The following JAZF1 variants were observed in gnomAD, a reference collection of about 807,000 sequenced individuals.
The protein encoded by JAZF1 is JAZF zinc finger 1, also known as juxtaposed with another zinc finger protein 1.
A neutral mutation model predicts 26.4 loss-of-function variants in JAZF1; 8 were observed. The ratio of observed to expected loss-of-function variants is 0.30; its 90% CI spans 0.18 to 0.55. The LOEUF is 0.55. Ranked by LOEUF, JAZF1 falls within the 20% of genes least tolerant of loss-of-function variation. JAZF1 has a pLI of 0.94. For missense variants in JAZF1, 199 were observed against 322.0 expected, an observed-to-expected ratio of 0.62 and a Z score of 2.92; for synonymous variants, 126 against 122.3, an observed-to-expected ratio of 1.03 and a Z score of -0.20.
intron 2 of JAZF1, among the ~76,000 whole-genome samples, chr7:27,975,179 C>T (rs957598218): frequency 2.0e-5 from 3 of 152,064 alleles, no homozygotes; most frequent in African/African-American, 7.2e-5. Flanking sequence ...GTCACCGCGT[C>T]GGGCCAGGGA....
chr7:28,032,578 G>A (rs193172142), intron 1 of JAZF1, among the ~76,000 whole-genome samples: 2 of 152,092 alleles, frequency 1.3e-5, no homozygotes, highest in African/African-American at 4.8e-5. Flanking sequence ...TGCTAGATCA[G>A]ATAGCCTCTT....
intron 3 of JAZF1, among the ~76,000 whole-genome samples, chr7:27,861,848 T>C (rs1335988323): frequency 6.6e-6 from 1 of 152,210 alleles, no homozygotes; most frequent in African/African-American, 2.4e-5. Context: ...CACAGGTCCT[T>C]TCCCCTTGGG....
intron 2 of JAZF1, among the ~76,000 whole-genome samples, chr7:27,954,371 A>C (rs75103951): frequency 6.6e-6 from 1 of 152,132 alleles, no homozygotes; most frequent in South Asian, 2.1e-4. Context: ...GCAGAGGAAC[A>C]TTCTCTGTGG....
intron 2 of JAZF1, among the ~76,000 whole-genome samples, chr7:27,979,622 T>G (rs1211791809): frequency 1.3e-5 from 2 of 152,072 alleles, no homozygotes; most frequent in Non-Finnish European, 2.9e-5. Flanking sequence ...CTATCTGAAC[T>G]ACTCTGACAA....
Position 27,960,376 on chromosome 7 carries a change from C to T in JAZF1, c.188+31533G>A, listed in dbSNP as rs151113732. Among the ~76,000 whole-genome samples, 15 of 152,328 alleles carry T rather than the reference C, an allele frequency of 9.8e-5. No homozygotes were observed. In the East Asian group the frequency reaches 2.9e-3, roughly 29 times the overall value. On this transcript the variant is annotated intron_variant, in intron 2 of 4. Transcript: ENST00000283928. Reference sequence around the variant, plus strand: ...AAGGGCACTACGTTTATCTTGTGTGCACAATTTCTTTAGGTTACACTCACT... The same window carrying T: ...AAGGGCACTACGTTTATCTTGTGTGTACAATTTCTTTAGGTTACACTCACT...
intron 2 of JAZF1, among the ~76,000 whole-genome samples, chr7:27,932,054 G>A (rs1583468735): frequency 6.6e-6 from 1 of 152,306 alleles, no homozygotes; most frequent in East Asian, 1.9e-4. Context: ...AATAGCGTGG[G>A]CTATTTTAAT....
At chr7:27,856,043 G>A (rs1783242886) in intron 3 of JAZF1, among the ~76,000 whole-genome samples, 1 of 152,248 alleles carries the variant, frequency 6.6e-6, no homozygotes, top group Admixed American at 6.5e-5. Flanking sequence ...TCCCTGGGAT[G>A]CAAGTGTGTC....
Position 27,961,114 on chromosome 7 carries a change from C to A in JAZF1, c.188+30795G>T, listed in dbSNP as rs561247222. Among the ~76,000 whole-genome samples the A allele has an allele frequency of 4.6e-5, 7 of 152,342 alleles. No individual in the cohort carries two copies. In the South Asian group the frequency reaches 1.5e-3, roughly 32 times the overall value. On this transcript the variant is annotated intron_variant, in intron 2 of 4. Transcript: ENST00000283928. ...GTTTTATTGCTTACTATGTGCCAGG[C>A]ACTGTTCTAACTGTTTTACAAACAT...
intron 1 of JAZF1, among the ~76,000 whole-genome samples, chr7:28,065,542 C>G (rs1783867454): frequency 6.6e-6 from 1 of 152,218 alleles, no homozygotes; most frequent in Admixed American, 6.5e-5. Flanking sequence ...ATGTCACGAT[C>G]CTATCCCAAC....
chr7:28,145,943 T>A (rs1783021506), intron 1 of JAZF1, among the ~76,000 whole-genome samples: 1 of 152,234 alleles, frequency 6.6e-6, no homozygotes, highest in South Asian at 2.1e-4. Flanking sequence ...CATGTTGCTA[T>A]GTGGATGAGG....
intron 2 of JAZF1, among the ~76,000 whole-genome samples, chr7:27,965,332 T>C (rs1398422892): frequency 6.6e-6 from 1 of 152,228 alleles, no homozygotes; most frequent in African/African-American, 2.4e-5. Context: ...TGACAGGTAT[T>C]AAAAGAAGAT....
intron 1 of JAZF1, among the ~76,000 whole-genome samples, chr7:28,123,436 C>T (rs1347472646): frequency 6.6e-6 from 1 of 152,224 alleles, no homozygotes; most frequent in Non-Finnish European, 1.5e-5. Flanking sequence ...TATTTCCCCA[C>T]TAGACTGTAA....
intron 3 of JAZF1, among the ~76,000 whole-genome samples, chr7:27,853,458 T>C (rs2128334616): frequency 6.6e-6 from 1 of 152,222 alleles, no homozygotes; most frequent in East Asian, 1.9e-4. Flanking sequence ...AGCGTGTGGG[T>C]GGCCCTGCGA....
intron 2 of JAZF1, among the ~76,000 whole-genome samples, chr7:27,971,649 C>G (rs1482554921): frequency 6.6e-6 from 1 of 152,138 alleles, no homozygotes; most frequent in Non-Finnish European, 1.5e-5. Context: ...TTAATTAACT[C>G]CGAGGTGCCG....
At chr7:28,034,384 C>T (rs953365277) in intron 1 of JAZF1, among the ~76,000 whole-genome samples, 1 of 151,368 alleles carries the variant, frequency 6.6e-6, no homozygotes, top group Non-Finnish European at 1.5e-5. Context: ...ATTGGAAGCA[C>T]AAACAAATCC....
intron 2 of JAZF1, among the ~76,000 whole-genome samples, chr7:27,907,933 T>C (rs1191938180): frequency 6.6e-6 from 1 of 152,192 alleles, no homozygotes; most frequent in Non-Finnish European, 1.5e-5. Context: ...CCAATGAAGG[T>C]GACATGTAAG....
intron 2 of JAZF1, among the ~76,000 whole-genome samples, chr7:27,975,886 C>T (rs1170116629): frequency 1.3e-5 from 2 of 152,156 alleles, no homozygotes; most frequent in African/African-American, 2.4e-5. Context: ...CTGTAGACTA[C>T]TGGAGGCACA....
chr7:28,144,228 T>A (rs1782995150), intron 1 of JAZF1, among the ~76,000 whole-genome samples: 2 of 152,214 alleles, frequency 1.3e-5, no homozygotes, highest in African/African-American at 4.8e-5. Flanking sequence ...AGTTCAATGC[T>A]TAGCCCCTAG....
At chr7:28,124,979 C>T (rs1782672191) in intron 1 of JAZF1, among the ~76,000 whole-genome samples, 1 of 152,086 alleles carries the variant, frequency 6.6e-6, no homozygotes, top group Non-Finnish European at 1.5e-5. Flanking sequence ...TTTAATTGCA[C>T]TGCATAAAGG....
Sources: gnomAD v4.1 joint callset for allele counts (sites outside exome capture counted in the v4.1 genomes callset) on GRCh38, gnomAD v4.1.1 for gene constraint, MANE v1.5 for transcripts, NCBI Gene and HGNC (gene_info 2026-07-23, HGNC 2026-07-21) for gene names.